Variants in VSNL1 observed in about 807,000 individuals in gnomAD.
VSNL1 encodes the protein visinin-like protein 1.
A neutral mutation model predicts 20.4 loss-of-function variants in VSNL1; 6 were observed. That is an observed-to-expected ratio of 0.29 (90% CI 0.16 to 0.58). The LOEUF is 0.58. VSNL1 is among the 20% of genes least tolerant of loss of function. VSNL1 has a pLI of 0.90. For missense variants in VSNL1, 100 were observed against 234.5 expected (o/e 0.43, Z 3.75); for synonymous variants, 93 against 86.4 (o/e 1.08, Z -0.42).
chr2:17,558,479 T>C (rs190869687), intron 1 of VSNL1, among the ~76,000 whole-genome samples: 1 of 152,348 alleles, frequency 6.6e-6, no homozygotes, highest in Non-Finnish European at 1.5e-5. Flanking sequence ...TAATTTTTAC[T>C]GACTTCATTA....
At chr2:17,597,896 A>G (rs1039286921) in intron 2 of VSNL1, among the ~76,000 whole-genome samples, 1 of 152,174 alleles carries the variant, frequency 6.6e-6, no homozygotes, top group Non-Finnish European at 1.5e-5. Context: ...TTATTTTTAC[A>G]ACAAAATATA....
chr2:17,621,387 A>G (rs1030681480), intron 2 of VSNL1, among the ~76,000 whole-genome samples: 1 of 151,352 alleles, frequency 6.6e-6, no homozygotes, highest in Non-Finnish European at 1.5e-5. Context: ...CAATGACACA[A>G]TCTCATCTCA....
At chr2:17,586,791 G>A (rs905761063) in intron 1 of VSNL1, among the ~76,000 whole-genome samples, 5 of 152,184 alleles carry the variant, frequency 3.3e-5, no homozygotes, top group South Asian at 2.1e-4. Flanking sequence ...GTAACAGTTG[G>A]CAGAGAAGTA....
At chr2:17,561,999 G>C (rs1663827492) in intron 1 of VSNL1, among the ~76,000 whole-genome samples, 1 of 152,048 alleles carries the variant, frequency 6.6e-6, no homozygotes, top group Non-Finnish European at 1.5e-5. Flanking sequence ...CAGCCAACAG[G>C]GTCTGCAATG....
intron 1 of VSNL1, among the ~76,000 whole-genome samples, chr2:17,573,643 G>C (rs1012196053): frequency 6.6e-6 from 1 of 152,190 alleles, no homozygotes; most frequent in East Asian, 1.9e-4. Flanking sequence ...CTGAGACAGA[G>C]ATGAGGTCCT....
chr2:17,643,652 A>G (rs903637210), intron 2 of VSNL1, among the ~76,000 whole-genome samples: 12 of 152,200 alleles, frequency 7.9e-5, no homozygotes, highest in Non-Finnish European at 1.6e-4. Context: ...TCTACTAGGG[A>G]AAAAGGGCAC....
intron 1 of VSNL1, among the ~76,000 whole-genome samples, chr2:17,544,346 C>T (rs1270125192): frequency 6.6e-6 from 1 of 152,164 alleles, no homozygotes; most frequent in East Asian, 1.9e-4. Flanking sequence ...CTGATATACC[C>T]ATTCATATAC....
At chr2:17,588,091 C>A (rs1307800055) in intron 1 of VSNL1, among the ~76,000 whole-genome samples, 4 of 152,132 alleles carry the variant, frequency 2.6e-5, no homozygotes, top group Admixed American at 6.5e-5. Flanking sequence ...GTGAGAAATT[C>A]TTTTGGTTTG....
chr2:17,606,390 C>T (rs541854705), intron 2 of VSNL1, among the ~76,000 whole-genome samples: 1 of 152,330 alleles, frequency 6.6e-6, no homozygotes, highest in South Asian at 2.1e-4. Flanking sequence ...GTCCTTCATC[C>T]TCCAAGTCCG....
chr2:17,640,322 G>C (rs192976476), intron 2 of VSNL1, among the ~76,000 whole-genome samples: 1 of 151,304 alleles, frequency 6.6e-6, no homozygotes, highest in Non-Finnish European at 1.5e-5. Context: ...TCCTTTGCCC[G>C]AGACCAGGTC....
chr2:17,616,838 C>T (rs1307059771), intron 2 of VSNL1, among the ~76,000 whole-genome samples: 1 of 152,246 alleles, frequency 6.6e-6, no homozygotes, highest in South Asian at 2.1e-4. Flanking sequence ...AGCTCAACAG[C>T]AGTGAGTCCT....
At chr2:17,562,976 C>T (rs1435567243) in intron 1 of VSNL1, among the ~76,000 whole-genome samples, 2 of 152,114 alleles carry the variant, frequency 1.3e-5, no homozygotes, top group Non-Finnish European at 2.9e-5. Context: ...ACTCTTGGGT[C>T]GGTGACTCAA....
intron 2 of VSNL1, among the ~76,000 whole-genome samples, chr2:17,629,094 C>T (rs1382330071): frequency 1.3e-5 from 2 of 152,234 alleles, no homozygotes; most frequent in Admixed American, 6.5e-5. Flanking sequence ...GGGTGTCTGT[C>T]CCACCTGGCC....
chr2:17,612,884 G>C (rs932228106), intron 2 of VSNL1, among the ~76,000 whole-genome samples: 2 of 152,124 alleles, frequency 1.3e-5, no homozygotes, highest in African/African-American at 2.4e-5. Context: ...TCAGGCCCAG[G>C]GCTCAGTCCC....
intron 2 of VSNL1, among the ~76,000 whole-genome samples, chr2:17,594,878 C>T (rs545270331): frequency 7.9e-5 from 12 of 152,326 alleles, no homozygotes; most frequent in Admixed American, 7.8e-4. Flanking sequence ...GAAGGAACTC[C>T]TTCAGCAGAT....
intron 1 of VSNL1, among the ~76,000 whole-genome samples, chr2:17,557,979 G>A (rs1663728216): frequency 1.3e-5 from 2 of 152,172 alleles, no homozygotes; most frequent in Admixed American, 1.3e-4. Context: ...AAGAAGCAGA[G>A]GGTGCTGCAG....
intron 1 of VSNL1, among the ~76,000 whole-genome samples, chr2:17,576,789 C>T (rs1664226108): frequency 6.6e-6 from 1 of 152,042 alleles, no homozygotes; most frequent in South Asian, 2.1e-4. Context: ...CCATCTTGAC[C>T]TTAATAATCA....
intron 1 of VSNL1, among the ~76,000 whole-genome samples, chr2:17,543,618 G>A (rs905143678): frequency 3.9e-5 from 6 of 152,224 alleles, no homozygotes; most frequent in African/African-American, 1.2e-4. Flanking sequence ...CAGAAAGACC[G>A]AAGAAGGCTT....
intron 2 of VSNL1, among the ~76,000 whole-genome samples, chr2:17,621,323 CTCTTT>C (rs765944960): frequency 1.5e-4 from 20 of 132,610 alleles, no homozygotes; most frequent in African/African-American, 4.8e-4. Flanking sequence ...CTTTTCTTTT[CTCTTT>C]TCTTTTCTTT....
Sources: gnomAD v4.1 joint callset for allele counts (sites outside exome capture counted in the v4.1 genomes callset) on GRCh38, gnomAD v4.1.1 for gene constraint, MANE v1.5 for transcripts, NCBI Gene and HGNC (gene_info 2026-07-23, HGNC 2026-07-21) for gene names.